The following SLC25A21 variants were observed in gnomAD, a reference collection of about 807,000 sequenced individuals.
SLC25A21 encodes the protein mitochondrial 2-oxodicarboxylate carrier.
Under a neutral mutation model 43.8 loss-of-function variants are expected in SLC25A21, and 47 were observed. The observed-to-expected ratio is 1.07, with a 90% CI of 0.85 to 1.37. The LOEUF (loss-of-function observed/expected upper bound fraction) is 1.37. Ranked by LOEUF, SLC25A21 falls within the 40% of genes most tolerant of loss-of-function variation. The probability of loss-of-function intolerance (pLI) is 0.00; values close to 1 mark genes in which losing one functional copy is unlikely to be tolerated. For missense variants in SLC25A21, 352 were observed against 350.2 expected, an observed-to-expected ratio of 1.00 and a Z score of -0.04; for synonymous variants, 131 against 121.3, an observed-to-expected ratio of 1.08 and a Z score of -0.52.
intron 3 of SLC25A21, among the ~76,000 whole-genome samples, chr14:36,755,116 C>A (rs988350438): frequency 6.6e-6 from 1 of 151,930 alleles, no homozygotes; most frequent in Non-Finnish European, 1.5e-5. Context: ...TAGTTTGGAC[C>A]CTTGAAAAAC....
intron 1 of SLC25A21, among the ~76,000 whole-genome samples, chr14:36,954,951 T>C (rs574068265): frequency 4.5e-4 from 69 of 152,192 alleles, no homozygotes; most frequent in Non-Finnish European, 8.2e-4. Flanking sequence ...TGATTACTTC[T>C]GCATATGTAC....
chr14:36,854,939 G>GGC (rs1555332564), intron 2 of SLC25A21, among the ~76,000 whole-genome samples: 1 of 151,088 alleles, frequency 6.6e-6, no homozygotes, highest in African/African-American at 2.4e-5. Context: ...GAGGTGGGGG[G>GGC]GGGTATTCTG....
intron 1 of SLC25A21, among the ~76,000 whole-genome samples, chr14:37,043,697 C>A (rs2415374): frequency 0.032 from 4,826 of 151,914 alleles, 246 homozygotes; most frequent in African/African-American, 0.11. Context: ...ACTCATCATC[C>A]TTTCTTTATT....
intron 1 of SLC25A21, among the ~76,000 whole-genome samples, chr14:37,013,175 C>G (rs1047647137): frequency 4.0e-4 from 61 of 152,232 alleles, no homozygotes; most frequent in African/African-American, 1.5e-3. Flanking sequence ...AAATAGAACA[C>G]CAGGCTTTCT....
At chr14:37,063,496 G>A (rs972588236) in intron 1 of SLC25A21, among the ~76,000 whole-genome samples, 5 of 151,924 alleles carry the variant, frequency 3.3e-5, no homozygotes, top group Non-Finnish European at 5.9e-5. Flanking sequence ...GGGAGACTAC[G>A]TAAATCATGT....
chr14:37,132,529 T>C (rs1312674213), intron 1 of SLC25A21, among the ~76,000 whole-genome samples: 4 of 152,158 alleles, frequency 2.6e-5, no homozygotes, highest in Non-Finnish European at 5.9e-5. Flanking sequence ...TCTGGAGGGA[T>C]TGAAAGAGCT....
intron 1 of SLC25A21, among the ~76,000 whole-genome samples, chr14:37,113,107 T>C (rs1018545419): frequency 6.6e-6 from 1 of 152,118 alleles, no homozygotes; most frequent in African/African-American, 2.4e-5. Context: ...TCTGAGAGTT[T>C]CCATAGACAC....
intron 1 of SLC25A21, among the ~76,000 whole-genome samples, chr14:36,986,571 C>G (rs1054253233): frequency 6.6e-6 from 1 of 152,050 alleles, no homozygotes; most frequent in Non-Finnish European, 1.5e-5. Context: ...AATGTGAGAC[C>G]ATGTTAGCTC....
At chr14:36,736,093 G>A (rs905172066) in intron 3 of SLC25A21, among the ~76,000 whole-genome samples, 3 of 151,588 alleles carry the variant, frequency 2.0e-5, no homozygotes, top group East Asian at 2.0e-4. Flanking sequence ...CCGCCACCAC[G>A]CCCGGCTAAT....
At chr14:37,015,653 C>T (rs945519033) in intron 1 of SLC25A21, among the ~76,000 whole-genome samples, 4 of 151,686 alleles carry the variant, frequency 2.6e-5, no homozygotes, top group African/African-American at 4.8e-5. Context: ...TTTACAGTTC[C>T]ACCAACAGTG....
rs147489656 is a variant in SLC25A21, at chr14:37,073,034, C to A, written c.70+99247G>T. Among the ~76,000 whole-genome samples the A allele has an allele frequency of 7.3e-3, 1,105 of 152,320 alleles. 8 individuals are homozygous for A. Among genetic ancestry groups the A allele is most frequent in the Non-Finnish European group, 0.011 (768 of 68,024 alleles). On this transcript the variant is annotated intron_variant, in intron 1 of 9. Coordinates refer to ENST00000331299, the MANE Select transcript of SLC25A21 (RefSeq NM_030631.4). ...ATCCAGTTGAAAGGGCTAAAATATT[C>A]TATTCTGGCATATTGACTATTTAAG...
At chr14:36,898,794 T>C (rs1363719298) in intron 1 of SLC25A21, among the ~76,000 whole-genome samples, 2 of 152,078 alleles carry the variant, frequency 1.3e-5, no homozygotes, top group African/African-American at 2.4e-5. Context: ...GCCAGGGAGA[T>C]GTTGATCAAA....
chr14:36,916,482 C>T (rs712398), intron 1 of SLC25A21, among the ~76,000 whole-genome samples: 114,740 of 152,128 alleles, frequency 0.75, 44,245 homozygotes, highest in African/African-American at 0.89. Flanking sequence ...ATAGTTTTGA[C>T]TGAGGCTTCA....
At chr14:36,826,076 C>A (rs924139346) in intron 2 of SLC25A21, among the ~76,000 whole-genome samples, 2 of 152,180 alleles carry the variant, frequency 1.3e-5, no homozygotes, top group East Asian at 3.9e-4. Flanking sequence ...GTACTGGTCA[C>A]CCAAGTGTTA....
At chr14:36,776,531 C>T (rs891883618) in intron 3 of SLC25A21, among the ~76,000 whole-genome samples, 2 of 151,952 alleles carry the variant, frequency 1.3e-5, no homozygotes, top group Non-Finnish European at 2.9e-5. Flanking sequence ...CGTGAGCCAC[C>T]GCGCCCGGCC....
chr14:37,036,439 A>C (rs565467879), intron 1 of SLC25A21, among the ~76,000 whole-genome samples: 1 of 151,816 alleles, frequency 6.6e-6, no homozygotes, highest in Non-Finnish European at 1.5e-5. Flanking sequence ...AACATGTTAC[A>C]TTTTCTGAGT....
Position 37,017,292 on chromosome 14 carries a change from A to G in SLC25A21, c.71-142288T>C, listed in dbSNP as rs189612943. Among the ~76,000 whole-genome samples, 261 of 152,138 alleles carry G rather than the reference A, an allele frequency of 1.7e-3. 1 individual carries two copies. Among genetic ancestry groups the G allele is most frequent in the African/African-American group, 6.3e-3 (261 of 41,526 alleles). ...TCACTGTAGGCTTACTAAATGGCCT[A>G]ATTTTAATATTGTTGTGTCTCTTGG... On this transcript the variant is annotated intron_variant, in intron 1 of 9. Coordinates refer to ENST00000331299, the MANE Select transcript of SLC25A21 (RefSeq NM_030631.4).
intron 2 of SLC25A21, among the ~76,000 whole-genome samples, chr14:36,815,115 A>G (rs1053898571): frequency 1.3e-5 from 2 of 152,198 alleles, no homozygotes; most frequent in African/African-American, 4.8e-5. Flanking sequence ...TGGGAGTTGA[A>G]CAACGAGAAC....
At chr14:36,890,943 T>C (rs956398328) in intron 1 of SLC25A21, among the ~76,000 whole-genome samples, 1 of 152,140 alleles carries the variant, frequency 6.6e-6, no homozygotes, top group East Asian at 1.9e-4. Context: ...ATAAAACAAG[T>C]GTACAAATAC....
Sources: gnomAD v4.1 joint callset for allele counts (sites outside exome capture counted in the v4.1 genomes callset) on GRCh38, gnomAD v4.1.1 for gene constraint, MANE v1.5 for transcripts, NCBI Gene and HGNC (gene_info 2026-07-23, HGNC 2026-07-21) for gene names.